The following LRRTM3 variants were observed in gnomAD, a reference collection of about 807,000 sequenced individuals.
The protein encoded by LRRTM3 is leucine-rich repeat transmembrane neuronal protein 3.
LRRTM3 carries 24 observed loss-of-function variants against 44.7 expected under a neutral mutation model. That is an observed-to-expected ratio of 0.54 (90% confidence interval 0.39 to 0.76). The LOEUF (loss-of-function observed/expected upper bound fraction) is 0.76. Among genes scored for constraint, LRRTM3 ranks in the 30% least tolerant of loss-of-function variants. The pLI, the probability that LRRTM3 is intolerant of heterozygous loss-of-function variation, is 0.00. For synonymous variants in LRRTM3, 277 were observed against 278.7 expected (o/e 0.99, Z 0.06); for missense variants, 587 against 702.2 (o/e 0.84, Z 1.85).
rs569151343 is a variant in LRRTM3 at position 67,056,634 on chromosome 10, T to G, written c.1537-40953T>G. Among the ~76,000 whole-genome samples the G allele has an allele frequency of 7.9e-5, 12 of 152,192 alleles. No homozygotes were observed. The South Asian group carries it at 1.9e-3, about 24-fold the overall frequency. On this transcript the variant is annotated intron_variant, in intron 2 of 2. Coordinates refer to ENST00000361320, the MANE Select transcript of LRRTM3 (RefSeq NM_178011.5). The stretch of plus-strand genomic sequence containing the variant: ...AGGATAACAATAAGGGCATTCCAAA[T>G]TAAGTGGCGACAGAAAAATAAACAC...
chr10:67,045,371 C>T (rs1854662595), intron 2 of LRRTM3, among the ~76,000 whole-genome samples: 1 of 152,050 alleles, frequency 6.6e-6, no homozygotes, highest in Non-Finnish European at 1.5e-5. Flanking sequence ...CACCAAATAC[C>T]TCCATTTTTT....
chr10:66,950,164 T>C (rs1848466479), intron 2 of LRRTM3, among the ~76,000 whole-genome samples: 1 of 152,204 alleles, frequency 6.6e-6, no homozygotes, highest in African/African-American at 2.4e-5. Flanking sequence ...AAATTATATT[T>C]TATAACCAAA....
chr10:67,075,258 T>TA (rs1283541486), intron 2 of LRRTM3, among the ~76,000 whole-genome samples: 3 of 152,010 alleles, frequency 2.0e-5, no homozygotes, highest in African/African-American at 7.2e-5. Flanking sequence ...TCAGAAATCT[T>TA]AAATTAAAAA....
At chr10:67,086,178 G>A (rs541455901) in intron 2 of LRRTM3, among the ~76,000 whole-genome samples, 1 of 152,082 alleles carries the variant, frequency 6.6e-6, no homozygotes, top group East Asian at 1.9e-4. Flanking sequence ...TCATACTTAT[G>A]TGGATATAAA....
intron 1 of LRRTM3, 70 bp from the exon 2 acceptor site, chr10:66,926,851 C>G (rs1023254829): frequency 3.9e-5 from 51 of 1,311,970 alleles, no homozygotes; most frequent in Admixed American, 5.3e-5. Context: ...AAATATATGC[C>G]TATTTTTGCT....
At chr10:66,937,009 C>G (rs1847744205) in intron 2 of LRRTM3, among the ~76,000 whole-genome samples, 1 of 152,120 alleles carries the variant, frequency 6.6e-6, no homozygotes, top group African/African-American at 2.4e-5. Flanking sequence ...GTATTTTTCT[C>G]AAACATGAGT....
chr10:67,044,365 A>C (rs1396074095), intron 2 of LRRTM3, among the ~76,000 whole-genome samples: 1 of 152,158 alleles, frequency 6.6e-6, no homozygotes, highest in Non-Finnish European at 1.5e-5. Flanking sequence ...TTTTAAAATT[A>C]CCTGGCACTA....
chr10:67,075,042 G>T (rs1249190113), intron 2 of LRRTM3, among the ~76,000 whole-genome samples: 1 of 151,968 alleles, frequency 6.6e-6, no homozygotes, highest in Admixed American at 6.6e-5. Context: ...GCTATCTTCA[G>T]CTTCTAACAG....
intron 2 of LRRTM3, among the ~76,000 whole-genome samples, chr10:66,963,894 G>A (rs1243862765): frequency 6.6e-6 from 1 of 150,978 alleles, no homozygotes; most frequent in East Asian, 1.9e-4. Context: ...CCAGGCTGGA[G>A]TGCAGTGGCG....
At chr10:67,046,354 A>T (rs1564852653) in intron 2 of LRRTM3, among the ~76,000 whole-genome samples, 1 of 152,216 alleles carries the variant, frequency 6.6e-6, no homozygotes. Context: ...ATGAGCACAG[A>T]TGTGAGCGAA....
Position 67,043,683 on chromosome 10 carries a change from C to A in LRRTM3, c.1537-53904C>A, listed in dbSNP as rs151228053. ...TGCAGTAATGCCTACCCTTTAATCT[C>A]CCACTGCTCCTAAAAAGGAATCATC... On this transcript the variant is annotated intron_variant, in intron 2 of 2. Transcript: ENST00000361320. 9.1e-4 allele frequency among the ~76,000 whole-genome samples: 138 copies of A among 152,218 alleles called. 3 individuals are homozygous for A. Among genetic ancestry groups the A allele is most frequent in the African/African-American group, 3.2e-3 (134 of 41,546 alleles).
chr10:67,063,079 T>G (rs1327258421), intron 2 of LRRTM3, among the ~76,000 whole-genome samples: 1 of 152,194 alleles, frequency 6.6e-6, no homozygotes, highest in South Asian at 2.1e-4. Flanking sequence ...GATTTCTATT[T>G]TCCTAACCAA....
intron 2 of LRRTM3, among the ~76,000 whole-genome samples, chr10:67,074,515 T>G (rs962714862): frequency 1.3e-5 from 2 of 151,728 alleles, no homozygotes; most frequent in African/African-American, 4.8e-5. Context: ...CACGCCCGGC[T>G]AATTTTCTGT....
At chr10:66,933,955 T>C (rs999187696) in intron 2 of LRRTM3, among the ~76,000 whole-genome samples, 22 of 152,100 alleles carry the variant, frequency 1.4e-4, no homozygotes, top group Middle Eastern at 3.4e-3. Context: ...AGGATGATGG[T>C]TTTTCAGGTG....
chr10:66,928,386 C>G lies in LRRTM3; in HGVS notation c.1470C>G (p.Thr490=). ...YVDYKPTNTE[T]SEMLLNGTGP... is the part of the protein sequence containing the mutation. ...ATTATAAACCCACCAACACGGAGAC[C>G]AGCGAGATGCTGCTGAATGGGACGG... The change falls in exon 2 of 3, where the codon ACC becomes ACG. Residue 490 remains threonine (T), a synonymous_variant. Coordinates refer to ENST00000361320, the MANE Select transcript of LRRTM3 (RefSeq NM_178011.5). The G allele has an allele frequency of 6.2e-7, 1 of 1,614,148 alleles. No homozygotes were observed. Among genetic ancestry groups the G allele is most frequent in the South Asian group, 1.1e-5 (1 of 91,078 alleles).
chr10:67,071,676 G>T (rs1856472617), intron 2 of LRRTM3, among the ~76,000 whole-genome samples: 1 of 151,840 alleles, frequency 6.6e-6, no homozygotes, highest in Non-Finnish European at 1.5e-5. Context: ...AAAATTCTTG[G>T]CCTTAACTCC....
intron 2 of LRRTM3, among the ~76,000 whole-genome samples, chr10:67,013,565 A>T (rs1852472129): frequency 1.3e-5 from 2 of 152,142 alleles, no homozygotes; most frequent in African/African-American, 2.4e-5. Flanking sequence ...CAAACACAGT[A>T]CTCCTAAAAG....
intron 2 of LRRTM3, among the ~76,000 whole-genome samples, chr10:66,960,278 TCTC>T (rs1220248078): frequency 1.3e-5 from 2 of 152,108 alleles, no homozygotes; most frequent in Admixed American, 6.6e-5. Context: ...TGATCACAAA[TCTC>T]CTACAAAAAT....
chr10:66,985,278 A>G (rs954856789), intron 2 of LRRTM3, among the ~76,000 whole-genome samples: 2 of 152,230 alleles, frequency 1.3e-5, no homozygotes, highest in Middle Eastern at 3.2e-3. Context: ...AAGTTTAACA[A>G]TATGATAGCA....
Sources: gnomAD v4.1 joint callset for allele counts (sites outside exome capture counted in the v4.1 genomes callset) on GRCh38, gnomAD v4.1.1 for gene constraint, MANE v1.5 for transcripts, NCBI Gene and HGNC (gene_info 2026-07-23, HGNC 2026-07-21) for gene names.